SYT17: variants seen among roughly 807,000 people sequenced by gnomAD.
SYT17 encodes the protein synaptotagmin-17.
Under a neutral mutation model 46.7 loss-of-function variants are expected in SYT17, and 22 were observed. The observed-to-expected ratio is 0.47, with a 90% CI of 0.34 to 0.67. The LOEUF (loss-of-function observed/expected upper bound fraction) is 0.67. SYT17 is among the 30% of genes least tolerant of loss of function. The probability of loss-of-function intolerance (pLI) is 0.01; values close to 1 mark genes in which losing one functional copy is unlikely to be tolerated. For missense variants in SYT17, 519 were observed against 612.8 expected (o/e 0.85, Z 1.62); for synonymous variants, 251 against 248.4 (o/e 1.01, Z -0.10).
rs746503656 is a variant in SYT17, at chr16:19,180,433, C to T, written c.225C>T (p.His75=). 1.2e-6 allele frequency: 2 copies of T among 1,614,232 alleles called. No individual in the cohort carries two copies. Among genetic ancestry groups the T allele is most frequent in the Non-Finnish European group, 1.7e-6 (2 of 1,180,046 alleles). The change falls in exon 4 of 8, where the codon CAC becomes CAT. Residue 75 remains histidine (H), a synonymous_variant. Transcript: ENST00000355377. ...GTGACAAGGATGGTGACTCTGTCCA[C>T]ACGGCCAGCGAAGTCCCGCTGACCC... is the stretch of plus-strand genomic sequence containing the variant. ...RSSDKDGDSV[H]TASEVPLTPR...
intron 7 of SYT17, among the ~76,000 whole-genome samples, chr16:19,249,298 A>ATAAATAAGTAAG: frequency 6.9e-6 from 1 of 144,260 alleles, no homozygotes; most frequent in East Asian, 1.9e-4. Flanking sequence ...AAATAAATAA[A>ATAAATAAGTAAG]TAAATAAATA....
At chr16:19,230,450 C>T (rs374796958) in intron 7 of SYT17, among the ~76,000 whole-genome samples, 9 of 151,428 alleles carry the variant, frequency 5.9e-5, no homozygotes, top group African/African-American at 2.2e-4. Context: ...GATGGTTACA[C>T]AACACTGTGA....
intron 7 of SYT17, among the ~76,000 whole-genome samples, chr16:19,227,603 CA>C (rs1194327795): frequency 1.3e-5 from 2 of 152,212 alleles, no homozygotes; most frequent in Non-Finnish European, 2.9e-5. Flanking sequence ...AGGCATGAGC[CA>C]CCACGCCTGG....
Position 19,266,092 on chromosome 16 carries a change from T to A in SYT17, c.1229-788T>A, listed in dbSNP as rs540609145. Among the ~76,000 whole-genome samples, 9 of 152,356 alleles carry A rather than the reference T, an allele frequency of 5.9e-5. No homozygotes were observed. In the South Asian group the frequency reaches 1.9e-3, roughly 32 times the overall value. On this transcript the variant is annotated intron_variant, in intron 7 of 7. Coordinates refer to ENST00000355377, the MANE Select transcript of SYT17 (RefSeq NM_016524.4). ...TTCATAGAAATTGCACATTGACCTA[T>A]GAGAGAAGCACTACTAAAATTCCTG...
intron 5 of SYT17, among the ~76,000 whole-genome samples, chr16:19,208,398 C>T (rs1965753928): frequency 6.6e-6 from 1 of 152,092 alleles, no homozygotes; most frequent in Non-Finnish European, 1.5e-5. Flanking sequence ...TGTGGAGGCC[C>T]AGGAAACTTA....
intron 7 of SYT17, among the ~76,000 whole-genome samples, chr16:19,235,687 A>G (rs564079108): frequency 6.6e-6 from 1 of 152,334 alleles, no homozygotes; most frequent in Admixed American, 6.5e-5. Context: ...GTAAGGGTGA[A>G]CCCTCTTGAA....
chr16:19,194,135 T>C (rs552238625), intron 5 of SYT17, among the ~76,000 whole-genome samples: 47 of 152,322 alleles, frequency 3.1e-4, no homozygotes, highest in Admixed American at 5.9e-4. Context: ...AATAAGAACA[T>C]TGGCTAAGCG....
At chr16:19,172,077 A>G (rs563954410) in intron 1 of SYT17, 2 of 158,730 alleles carry the variant, frequency 1.3e-5, no homozygotes, top group East Asian at 3.8e-4. Context: ...TAACCTATCT[A>G]GCCTACTTGG....
chr16:19,213,821 C>T (rs759302680), intron 5 of SYT17, among the ~76,000 whole-genome samples: 4 of 152,190 alleles, frequency 2.6e-5, no homozygotes, highest in Non-Finnish European at 4.4e-5. Flanking sequence ...CAAGCCACTG[C>T]ACCTGACGAA....
rs2142481970 is a variant in SYT17 at position 19,168,500 on chromosome 16, C to A, written c.-147C>A. ...GCGGCCGGCGGAGGGGCGGGCGCCG[C>A]TCATCAGCCACGCCAGTCACGTCTG... On this transcript the variant is annotated 5_prime_UTR_variant, in exon 1 of 8. Transcript: ENST00000355377. The surrounding 1 kb of genome is among the most constrained non-coding windows in gnomAD (Gnocchi z 6.9). 8.8e-7 allele frequency: 1 copy of A among 1,131,138 alleles called. No homozygotes were observed. The highest frequency in any genetic ancestry group is 1.2e-6 in the Non-Finnish European group (1 of 803,542). The allele number at this position is 1,131,138 out of a possible 1,614,324, so 70.1% of individuals were successfully genotyped here.
rs558982433 is a variant in SYT17 at position 19,208,327 on chromosome 16, A to C, written c.952-14718A>C. On this transcript the variant is annotated intron_variant, in intron 5 of 7. Transcript: ENST00000355377. ...TTAGTCCTTCACACTGCTATAAAGA[A>C]CCACCTGAGACTGGGCACTACTAAG... Among the ~76,000 whole-genome samples the C allele has an allele frequency of 3.1e-4, 47 of 152,300 alleles. No homozygotes were observed. In the East Asian group the frequency reaches 8.1e-3, roughly 26 times the overall value.
chr16:19,208,881 C>CTTTTTTTTTT (rs1567213098), intron 5 of SYT17, among the ~76,000 whole-genome samples: 1 of 54,454 alleles, frequency 1.8e-5, no homozygotes, highest in African/African-American at 7.9e-5. Context: ...CTACAAGGAC[C>CTTTTTTTTTT]TTCTTTTTTT....
At chr16:19,227,066 T>C (rs1966521953) in intron 7 of SYT17, among the ~76,000 whole-genome samples, 1 of 152,110 alleles carries the variant, frequency 6.6e-6, no homozygotes, top group Admixed American at 6.5e-5. Flanking sequence ...GCTTAGGTTT[T>C]CTCAGCTGTA....
intron 3 of SYT17, among the ~76,000 whole-genome samples, chr16:19,178,076 C>G (rs1401449980): frequency 6.6e-6 from 1 of 151,490 alleles, no homozygotes; most frequent in African/African-American, 2.4e-5. Flanking sequence ...GGGTAAGGTT[C>G]AAGTGATTCT....
At chr16:19,185,025 T>C (rs968042208) in intron 5 of SYT17, among the ~76,000 whole-genome samples, 2 of 152,098 alleles carry the variant, frequency 1.3e-5, no homozygotes, top group African/African-American at 2.4e-5. Context: ...CCATTGTAGG[T>C]AGAAGGATGT....
chr16:19,207,766 G>A (rs893017388), intron 5 of SYT17, among the ~76,000 whole-genome samples: 1 of 152,082 alleles, frequency 6.6e-6, no homozygotes, highest in East Asian at 1.9e-4. Context: ...ATGGGGCCAG[G>A]CACAGTGGCT....
At chr16:19,222,162 A>C (rs911195468) in intron 5 of SYT17, among the ~76,000 whole-genome samples, 9 of 152,204 alleles carry the variant, frequency 5.9e-5, no homozygotes, top group Admixed American at 2.6e-4. Flanking sequence ...TTCAGCTAAA[A>C]CGTTTCACAA....
intron 7 of SYT17, among the ~76,000 whole-genome samples, chr16:19,235,174 A>G (rs1004081866): frequency 3.9e-5 from 6 of 152,188 alleles, no homozygotes; most frequent in Admixed American, 2.6e-4. Context: ...TATGGGGAGT[A>G]TTATAAAGGG....
At chr16:19,208,765 G>A (rs1020144731) in intron 5 of SYT17, among the ~76,000 whole-genome samples, 3 of 151,756 alleles carry the variant, frequency 2.0e-5, no homozygotes, top group African/African-American at 7.3e-5. Flanking sequence ...TCTTCACGTG[G>A]TATTCTCCCT....
Sources: allele counts gnomAD v4.1 joint callset (sites outside exome capture counted in the v4.1 genomes callset), GRCh38; gene constraint gnomAD v4.1.1; non-coding constraint Gnocchi (gnomAD v3.1); transcripts MANE v1.5; gene names NCBI Gene and HGNC (gene_info 2026-07-23, HGNC 2026-07-21).